Variants in UPRT observed in about 807,000 individuals in gnomAD.
The protein encoded by UPRT is uracil phosphoribosyltransferase homolog, also known as RP11-311P8.3.
UPRT carries 5 observed loss-of-function variants against 22.6 expected under a neutral mutation model. That is an observed-to-expected ratio of 0.22 (90% CI 0.12 to 0.47). The LOEUF (loss-of-function observed/expected upper bound fraction) is 0.47. UPRT is among the 20% of genes least tolerant of loss of function. UPRT has a pLI of 0.99. For synonymous variants in UPRT, 77 were observed against 87.7 expected (o/e 0.88, Z 0.68); for missense variants, 181 against 239.9 (o/e 0.75, Z 1.62).
chrX:75,186,549 A>G (rs1230034775), intron 4 of UPRT, among the ~76,000 whole-genome samples: 4 of 111,544 alleles, frequency 3.6e-5, no homozygotes, highest in Admixed American at 2.9e-4. Flanking sequence ...TGCTTGGTGC[A>G]GAGCTTAGTT....
At chrX:75,257,911 T>G (rs770889984) in intron 4 of UPRT, among the ~76,000 whole-genome samples, 62 of 111,362 alleles carry the variant, frequency 5.6e-4, no homozygotes, top group African/African-American at 2.0e-3. Flanking sequence ...TGGGACTGGT[T>G]GGACAGTGGG....
chrX:75,236,369 C>G (rs2082464023), intron 4 of UPRT, among the ~76,000 whole-genome samples: 1 of 111,568 alleles, frequency 9.0e-6, no homozygotes, highest in African/African-American at 3.3e-5. Context: ...AATGGCCATA[C>G]TGCCCAAGGT....
intron 4 of UPRT, among the ~76,000 whole-genome samples, chrX:75,260,669 C>A (rs1336702866): frequency 1.8e-5 from 2 of 111,656 alleles, no homozygotes; most frequent in East Asian, 5.6e-4. Flanking sequence ...CTTTAACACT[C>A]CACTGTCAAC....
intron 4 of UPRT, among the ~76,000 whole-genome samples, chrX:75,221,456 A>G (rs745591809): frequency 2.7e-5 from 3 of 111,003 alleles, no homozygotes; most frequent in Non-Finnish European, 5.7e-5. Context: ...GATAGCTATT[A>G]TATTTCCCCC....
intron 4 of UPRT, among the ~76,000 whole-genome samples, chrX:75,199,111 G>A (rs1212053255): frequency 9.0e-6 from 1 of 111,658 alleles, no homozygotes; most frequent in Non-Finnish European, 1.9e-5. Flanking sequence ...GTGCCACAAG[G>A]ACTGCAACTC....
At chrX:75,225,365 A>C (rs186212055) in intron 4 of UPRT, among the ~76,000 whole-genome samples, 6 of 106,515 alleles carry the variant, frequency 5.6e-5, no homozygotes, top group Admixed American at 4.0e-4. Flanking sequence ...ACACACACAC[A>C]CCCTAGGTGG....
At chrX:75,236,486 G>C (rs2045450948) in intron 4 of UPRT, among the ~76,000 whole-genome samples, 2 of 111,612 alleles carry the variant, frequency 1.8e-5, no homozygotes, top group African/African-American at 6.5e-5. Flanking sequence ...AGCCCGCATT[G>C]CCAAGTCAAT....
At chrX:75,256,700 C>A (rs187196100) in intron 4 of UPRT, among the ~76,000 whole-genome samples, 236 of 111,816 alleles carry the variant, frequency 2.1e-3, no homozygotes, top group African/African-American at 7.3e-3. Context: ...ACAACTGACA[C>A]CACAGAAATA....
chrX:75,229,939 G>C (rs774428448), intron 4 of UPRT, among the ~76,000 whole-genome samples: 1 of 112,482 alleles, frequency 8.9e-6, no homozygotes, highest in African/African-American at 3.2e-5. Context: ...AGAAGCCACA[G>C]CAGAAGTTGC....
intron 4 of UPRT, among the ~76,000 whole-genome samples, chrX:75,264,422 A>T (rs182490945): frequency 6.3e-5 from 7 of 111,830 alleles, no homozygotes; most frequent in Admixed American, 9.5e-5. Context: ...TTGGGTGCAT[A>T]TATAGTTAGG....
At chrX:75,180,703 T>TTTTTTTTTTTTTTTTTTTTTTTTA (rs1569260040) in intron 4 of UPRT, among the ~76,000 whole-genome samples, 1 of 94,550 alleles carries the variant, frequency 1.1e-5, no homozygotes, top group African/African-American at 3.9e-5. Context: ...TTGTTTTTTT[T>TTTTTTTTTTTTTTTTTTTTTTTTA]TTTTTTTTTT....
At chrX:75,252,533 C>T (rs1165465059) in intron 4 of UPRT, among the ~76,000 whole-genome samples, 1 of 112,078 alleles carries the variant, frequency 8.9e-6, no homozygotes, top group Non-Finnish European at 1.9e-5. Flanking sequence ...ATTAAAAAGT[C>T]AAGAAAGAAC....
chrX:75,185,464 A>G (rs1314885197), intron 4 of UPRT, among the ~76,000 whole-genome samples: 1 of 111,862 alleles, frequency 8.9e-6, no homozygotes, highest in Non-Finnish European at 1.9e-5. Context: ...TTCATCAAGG[A>G]TATTGGTCTA....
chrX:75,172,669 G>A (rs1271577746), intron 4 of UPRT, among the ~76,000 whole-genome samples: 3 of 111,180 alleles, frequency 2.7e-5, no homozygotes, highest in Non-Finnish European at 5.7e-5. Flanking sequence ...TGTGTTCGGA[G>A]TTTCTTCTTT....
intron 2 of UPRT, chrX:75,294,556 C>T: frequency 1.0e-6 from 1 of 974,081 alleles, no homozygotes; most frequent in Non-Finnish European, 1.3e-6. Context: ...TGAAACTTTT[C>T]ATTTAGGTTT....
chrX:75,187,737 T>C (rs2082299194), intron 4 of UPRT, among the ~76,000 whole-genome samples: 1 of 111,831 alleles, frequency 8.9e-6, no homozygotes, highest in African/African-American at 3.3e-5. Context: ...TATTCTTTTT[T>C]CTCTAAACTT....
At chrX:75,271,313 T>C (rs1303013781), upstream of UPRT, among the ~76,000 whole-genome samples, 2 of 111,925 alleles carry the variant, frequency 1.8e-5, no homozygotes, top group African/African-American at 6.5e-5. Flanking sequence ...CACAGACCAA[T>C]GGAACAAAAC....
At chrX:75,175,583 C>G (rs920907384) in intron 4 of UPRT, among the ~76,000 whole-genome samples, 1 of 111,829 alleles carries the variant, frequency 8.9e-6, no homozygotes, top group Non-Finnish European at 1.9e-5. Context: ...GCGCTTGCCC[C>G]GGGCACCCTC....
chrX:75,219,833 A>G (rs1373413799), intron 4 of UPRT, among the ~76,000 whole-genome samples: 2 of 111,836 alleles, frequency 1.8e-5, no homozygotes, highest in Non-Finnish European at 3.8e-5. Context: ...AAGTCAACAA[A>G]AAACACCAGA....
Sources: allele counts gnomAD v4.1 joint callset (sites outside exome capture counted in the v4.1 genomes callset), GRCh38; gene constraint gnomAD v4.1.1; transcripts MANE v1.5; gene names NCBI Gene and HGNC (gene_info 2026-07-23, HGNC 2026-07-21).